Variants in WWC2 observed in about 807,000 individuals in gnomAD.
WWC2 encodes the protein protein WWC2.
A neutral mutation model predicts 138.5 loss-of-function variants in WWC2; 101 were observed. That is an observed-to-expected ratio of 0.73 (90% CI 0.62 to 0.86). The LOEUF is 0.86. WWC2 is among the 40% of genes least tolerant of loss of function. WWC2 has a pLI of 0.00. For missense variants in WWC2, 1,420 were observed against 1,419.4 expected (o/e 1.00, Z -0.01); for synonymous variants, 558 against 538.4 (o/e 1.04, Z -0.50).
At chr4:183,220,609 C>T (rs977370885) in intron 4 of WWC2, among the ~76,000 whole-genome samples, 4 of 150,700 alleles carry the variant, frequency 2.7e-5, no homozygotes, top group South Asian at 4.2e-4. Flanking sequence ...TCAAGGTGGG[C>T]AGATCACAAG....
In WWC2 at chr4:183,113,521, CGCGTGCGCGCGCACATGCACGT is replaced by C. The variant is rs750052772; in HGVS notation, c.131+13902_131+13923del. Among the ~76,000 whole-genome samples, 1,145 of 146,598 alleles carry C rather than the reference CGCGTGCGCGCGCACATGCACGT, an allele frequency of 7.8e-3. 5 individuals carry two copies. Among genetic ancestry groups the C allele is most frequent in the Non-Finnish European group, 7.6e-3 (508 of 66,800 alleles). On this transcript the variant is annotated intron_variant, in intron 1 of 22. Transcript: ENST00000403733. ...GTGTGTGTGTGTGTGTGTGTGCGCG[CGCGTGCGCGCGCACATGCACGT>C]GCATGCAAGATGATCTTACTCATTT...
intron 21 of WWC2, among the ~76,000 whole-genome samples, chr4:183,296,919 G>A (rs1351946747): frequency 8.9e-6 from 1 of 112,574 alleles, no homozygotes; most frequent in African/African-American, 3.5e-5. Context: ...GGGCAACAGA[G>A]CGAGACTCCG....
chr4:183,135,433 T>C (rs1254055067), intron 1 of WWC2, among the ~76,000 whole-genome samples: 2 of 152,086 alleles, frequency 1.3e-5, no homozygotes, highest in Non-Finnish European at 2.9e-5. Flanking sequence ...TACTTTTTTC[T>C]GATTCTATTA....
intron 1 of WWC2, among the ~76,000 whole-genome samples, chr4:183,154,002 CAAAAAAAAA>C (rs35002790): frequency 2.7e-4 from 19 of 71,652 alleles, no homozygotes; most frequent in Middle Eastern, 0.012. Flanking sequence ...CTTTAAAAAG[CAAAAAAAAA>C]AAAAAAAAAA....
chr4:183,181,943 AT>A (rs761943410), intron 1 of WWC2, among the ~76,000 whole-genome samples: 7 of 152,276 alleles, frequency 4.6e-5, no homozygotes, highest in Non-Finnish European at 8.8e-5. Context: ...TAAAATGTAT[AT>A]TTTTAAGTCA....
At position 183,285,947 on chromosome 4, in the gene WWC2, T is replaced by C. The variant is rs763389619; in HGVS notation, c.3049-20T>C. On this transcript the variant is annotated intron_variant, in intron 19 of 22. Transcript: ENST00000403733. ...CTGTTTGATATGCAGTGATTTTTTT[T>C]TTAAATCTTTTGTTGCCAGTTAAAT... is the stretch of plus-strand genomic sequence containing the variant. 12 of 1,563,188 alleles carry C rather than the reference T, an allele frequency of 7.7e-6. No individual in the cohort carries two copies. In the Admixed American group the frequency reaches 1.3e-4, roughly 17 times the overall value.
At chr4:183,269,221 T>C in intron 15 of WWC2, 58 bp downstream of exon 15, 1 of 1,539,634 alleles carries the variant, frequency 6.5e-7, no homozygotes, top group Non-Finnish European at 8.8e-7. Flanking sequence ...GGTCTGAGGA[T>C]ATACTTTGTA....
At chr4:183,282,598 C>T (rs749527998) in intron 17 of WWC2, 110 bp from the exon 18 acceptor site, 3 of 1,118,084 alleles carry the variant, frequency 2.7e-6, no homozygotes, top group Admixed American at 2.2e-5. Flanking sequence ...AATGGCTTGG[C>T]TCATTGTGTG....
At chr4:183,125,217 A>G (rs752292854) in intron 1 of WWC2, among the ~76,000 whole-genome samples, 1 of 152,178 alleles carries the variant, frequency 6.6e-6, no homozygotes, top group Non-Finnish European at 1.5e-5. Context: ...CGATTTTTAC[A>G]GGTTCAATTT....
At chr4:183,201,679 G>A (rs962334025) in intron 2 of WWC2, among the ~76,000 whole-genome samples, 5 of 152,228 alleles carry the variant, frequency 3.3e-5, no homozygotes, top group Non-Finnish European at 7.3e-5. Context: ...TTGACTTGCT[G>A]TAGCTCTTGG....
At chr4:183,241,475 T>C (rs892122619) in intron 5 of WWC2, among the ~76,000 whole-genome samples, 14 of 152,262 alleles carry the variant, frequency 9.2e-5, no homozygotes, top group African/African-American at 2.9e-4. Flanking sequence ...CGTGCTGTTA[T>C]CATCCAGACT....
intron 1 of WWC2, among the ~76,000 whole-genome samples, chr4:183,175,331 G>A (rs1734432311): frequency 6.6e-6 from 1 of 151,832 alleles, no homozygotes; most frequent in Non-Finnish European, 1.5e-5. Flanking sequence ...GTGTGATCTT[G>A]GCTCACTGTA....
chr4:183,155,833 ATAG>A (rs1052823732), intron 1 of WWC2, among the ~76,000 whole-genome samples: 27 of 152,150 alleles, frequency 1.8e-4, no homozygotes, highest in Non-Finnish European at 3.2e-4. Flanking sequence ...TTAAGAAGAA[ATAG>A]TAGTACCTTT....
At chr4:183,101,189 A>G (rs1743169696) in intron 1 of WWC2, among the ~76,000 whole-genome samples, 1 of 152,200 alleles carries the variant, frequency 6.6e-6, no homozygotes, top group South Asian at 2.1e-4. Context: ...TAGGCATTCT[A>G]GGTTCTCTTC....
chr4:183,255,951 A>G (rs562150291), intron 9 of WWC2, among the ~76,000 whole-genome samples: 16 of 151,386 alleles, frequency 1.1e-4, no homozygotes, highest in Non-Finnish European at 1.8e-4. Flanking sequence ...AAGAGGAGCT[A>G]TAAGATATTT....
chr4:183,213,683 T>C (rs1190652520), intron 4 of WWC2, among the ~76,000 whole-genome samples: 1 of 152,232 alleles, frequency 6.6e-6, no homozygotes. Context: ...TCCCGATACC[T>C]TATTTTTATT....
At chr4:183,116,062 G>C (rs548255927) in intron 1 of WWC2, among the ~76,000 whole-genome samples, 1 of 152,082 alleles carries the variant, frequency 6.6e-6, no homozygotes, top group Non-Finnish European at 1.5e-5. Flanking sequence ...CATATGACTG[G>C]CCAGTTATCC....
intron 1 of WWC2, among the ~76,000 whole-genome samples, chr4:183,185,228 A>G (rs879911266): frequency 1.3e-5 from 2 of 152,230 alleles, no homozygotes; most frequent in Non-Finnish European, 2.9e-5. Flanking sequence ...CATAGGTTTC[A>G]GAACCGCTAC....
chr4:183,164,890 A>G (rs1031930315), intron 1 of WWC2, among the ~76,000 whole-genome samples: 5 of 152,224 alleles, frequency 3.3e-5, no homozygotes, highest in African/African-American at 7.2e-5. Context: ...CCAATGGTAT[A>G]CTGTAGAAAA....
Sources: gnomAD v4.1 joint callset for allele counts (sites outside exome capture counted in the v4.1 genomes callset) on GRCh38, gnomAD v4.1.1 for gene constraint, MANE v1.5 for transcripts, NCBI Gene and HGNC (gene_info 2026-07-23, HGNC 2026-07-21) for gene names.